The following ATAD1 variants were observed in gnomAD, a reference collection of about 807,000 sequenced individuals.
ATAD1 encodes the protein outer mitochondrial transmembrane helix translocase.
In ATAD1, 18 loss-of-function variants were observed where a neutral mutation model predicts 42.7. The ratio of observed to expected loss-of-function variants is 0.42; its 90% CI spans 0.29 to 0.63. ATAD1 has a LOEUF of 0.63. Ranked by LOEUF, ATAD1 falls within the 20% of genes least tolerant of loss-of-function variation. The pLI is 0.19. For synonymous variants in ATAD1, 132 were observed against 143.1 expected (o/e 0.92, Z 0.55); for missense variants, 294 against 440.4 (o/e 0.67, Z 2.98).
At position 87,753,982 on chromosome 10, in the gene ATAD1, A is replaced by G. The variant is rs982833628; in HGVS notation, c.*705T>C. On this transcript the variant is annotated 3_prime_UTR_variant, in exon 10 of 10. Coordinates refer to ENST00000680024, the MANE Select transcript of ATAD1 (RefSeq NM_001321967.2). The stretch of plus-strand genomic sequence containing the variant: ...CACATGGCTGCCTAACAACCATTCA[A>G]TGCTGATCACTGAACTAGTATTTTC... 2 of 152,272 alleles carry G rather than the reference A, an allele frequency of 1.3e-5. No individual in the cohort carries two copies. The highest frequency in any genetic ancestry group is 4.8e-5 in the African/African-American group (2 of 41,462). The allele number at this position is 152,272 out of a possible 1,614,324, so 9.4% of individuals were successfully genotyped here.
At chr10:87,767,316 G>C (rs1317296324) in intron 8 of ATAD1, among the ~76,000 whole-genome samples, 1 of 152,152 alleles carries the variant, frequency 6.6e-6, no homozygotes, top group Non-Finnish European at 1.5e-5. Flanking sequence ...CACAGACCTG[G>C]AGAAGTGGAG....
chr10:87,789,081 A>T (rs901667772), intron 4 of ATAD1, among the ~76,000 whole-genome samples: 1 of 152,208 alleles, frequency 6.6e-6, no homozygotes, highest in East Asian at 1.9e-4. Flanking sequence ...GCACAGGTAC[A>T]GGCTTCAGTT....
intron 1 of ATAD1, among the ~76,000 whole-genome samples, chr10:87,825,071 C>T (rs1857700306): frequency 6.6e-6 from 1 of 152,262 alleles, no homozygotes; most frequent in Non-Finnish European, 1.5e-5. Context: ...TTATGAATTT[C>T]TAAAGATTGA....
intron 5 of ATAD1, among the ~76,000 whole-genome samples, chr10:87,783,661 T>C (rs1350045074): frequency 1.3e-5 from 2 of 151,604 alleles, no homozygotes; most frequent in South Asian, 2.1e-4. Context: ...TATATATTTA[T>C]ATATACATCG....
intron 2 of ATAD1, among the ~76,000 whole-genome samples, chr10:87,811,973 CGTTTTT>C (rs1857205816): frequency 6.6e-6 from 1 of 152,152 alleles, no homozygotes; most frequent in Non-Finnish European, 1.5e-5. Context: ...ATCTTTGGTT[CGTTTTT>C]AAGATTTTAA....
intron 1 of ATAD1, among the ~76,000 whole-genome samples, chr10:87,826,012 C>G (rs572275080): frequency 2.0e-5 from 3 of 152,194 alleles, no homozygotes; most frequent in Non-Finnish European, 2.9e-5. Context: ...GCAAAGCTGG[C>G]TGATTTTACG....
chr10:87,828,950 G>C (rs547390651), intron 1 of ATAD1, among the ~76,000 whole-genome samples: 3 of 152,292 alleles, frequency 2.0e-5, no homozygotes, highest in African/African-American at 7.2e-5. Context: ...GAGACCTACT[G>C]TTCAGAAATA....
At chr10:87,786,517 C>G (rs906231482) in intron 4 of ATAD1, among the ~76,000 whole-genome samples, 3 of 151,914 alleles carry the variant, frequency 2.0e-5, no homozygotes, top group Non-Finnish European at 4.4e-5. Context: ...GTCTGGAGTG[C>G]CTAAAGATTC....
chr10:87,787,734 C>G (rs1371812374), intron 4 of ATAD1, among the ~76,000 whole-genome samples: 1 of 152,152 alleles, frequency 6.6e-6, no homozygotes, highest in Non-Finnish European at 1.5e-5. Flanking sequence ...TGTTTATTGG[C>G]TTTAACATAA....
In ATAD1 at chr10:87,767,689, A is replaced by G. The variant is rs1400812441; in HGVS notation, c.815T>C (p.Ile272Thr). 1 of 1,611,118 alleles carries G rather than the reference A, an allele frequency of 6.2e-7. No individual in the cohort carries two copies. Among genetic ancestry groups the G allele is most frequent in the African/African-American group, 1.3e-5 (1 of 74,720 alleles). ...TCTACTTACATTTTCATTTTTCAAG[A>G]TGAGTTTCAGGATTGCTTCTCTCTG... is the stretch of plus-strand genomic sequence containing the variant. The part of the protein sequence containing the change: ...LKQREAILKL[I>T]LKNENVDRHV... The change falls in exon 8 of 10, where the codon ATC (isoleucine) becomes ACC (threonine). Residue 272 changes from isoleucine to threonine, a missense_variant. Around this residue, in one of 3 missense-constraint regions of ATAD1, gnomAD observed 142 missense variants for 174.6 expected, o/e 0.81. Transcript: ENST00000680024.
At chr10:87,788,834 G>C (rs1171671563) in intron 4 of ATAD1, among the ~76,000 whole-genome samples, 1 of 152,124 alleles carries the variant, frequency 6.6e-6, no homozygotes, top group Non-Finnish European at 1.5e-5. Flanking sequence ...TCCAACTATA[G>C]CCATACATTT....
At chr10:87,802,356 A>C (rs1489443506) in intron 2 of ATAD1, among the ~76,000 whole-genome samples, 1 of 152,206 alleles carries the variant, frequency 6.6e-6, no homozygotes, top group African/African-American at 2.4e-5. Flanking sequence ...ACTTTCTGAC[A>C]GGCCCAGGAG....
At chr10:87,837,249 G>A (rs1388749285) in intron 1 of ATAD1, among the ~76,000 whole-genome samples, 1 of 152,106 alleles carries the variant, frequency 6.6e-6, no homozygotes, top group African/African-American at 2.4e-5. Context: ...ATAAGACTCT[G>A]GGTTTTGTTT....
At chr10:87,816,956 T>G (rs1041203950) in intron 1 of ATAD1, among the ~76,000 whole-genome samples, 1 of 152,198 alleles carries the variant, frequency 6.6e-6, no homozygotes, top group Admixed American at 6.5e-5. Flanking sequence ...AAATTAGGGC[T>G]GTTATGAACA....
chr10:87,818,238 G>A, upstream of ATAD1: 1 of 985,542 alleles, frequency 1.0e-6, no homozygotes, highest in Non-Finnish European at 1.2e-6. Context: ...ACCTGGGAGA[G>A]AACGCTTCCG....
At chr10:87,796,389 G>A (rs1047558388) in intron 2 of ATAD1, among the ~76,000 whole-genome samples, 1 of 152,172 alleles carries the variant, frequency 6.6e-6, no homozygotes, top group Non-Finnish European at 1.5e-5. Context: ...CTCCTTTAGA[G>A]AAGCTAGTAA....
chr10:87,819,394 G>A (rs1857581678), upstream of ATAD1: 1 of 151,902 alleles, frequency 6.6e-6, no homozygotes, highest in South Asian at 2.1e-4. Context: ...CACGGCTGCA[G>A]TGATCAAGCC....
At chr10:87,834,961 T>G (rs1857904867) in intron 1 of ATAD1, among the ~76,000 whole-genome samples, 1 of 152,052 alleles carries the variant, frequency 6.6e-6, no homozygotes. Flanking sequence ...TTTTCATATG[T>G]TGTGTTTTCA....
Position 87,792,715 on chromosome 10 carries a change from T to A in ATAD1, c.203A>T (p.Lys68Met). ...AATACTCATTTCATATTCTGAGAGCTTCACATTTTTCACTCCAATTTGCTT... is the reference window on the plus strand; with the variant it reads ...AATACTCATTTCATATTCTGAGAGCATCACATTTTTCACTCCAATTTGCTT... ...LMKQIGVKNV[K>M]LSEYEMSIAA... The change falls in exon 3 of 10, where the codon AAG becomes ATG. Residue 68 changes from lysine (K) to methionine (M), a missense_variant. This residue lies in a region of ATAD1 where 121 missense variants were observed against 187.3 expected (regional missense o/e 0.65). Coordinates refer to ENST00000680024, the MANE Select transcript of ATAD1 (RefSeq NM_001321967.2). The A allele has an allele frequency of 6.2e-7, 1 of 1,613,882 alleles. No homozygotes were observed. Among genetic ancestry groups the A allele is most frequent in the Non-Finnish European group, 8.5e-7 (1 of 1,179,906 alleles).
Sources: gnomAD v4.1 joint callset for allele counts (sites outside exome capture counted in the v4.1 genomes callset) on GRCh38, gnomAD v4.1.1 for gene constraint, gnomAD v4.1.1 regional missense constraint, MANE v1.5 for transcripts, NCBI Gene and HGNC (gene_info 2026-07-23, HGNC 2026-07-21) for gene names.